PSMA6: variants seen among roughly 807,000 people sequenced by gnomAD.
PSMA6 encodes proteasome 20S subunit alpha 6.
For synonymous variants in PSMA6, 88 were observed against 97.7 expected (o/e 0.90, Z 0.59); for missense variants, 170 against 294.8 (o/e 0.58, Z 3.10).
At chr14:35,310,349 T>C (rs970100591) in intron 3 of PSMA6, 29 of 350,470 alleles carry the variant, frequency 8.3e-5, no homozygotes, top group African/African-American at 6.4e-4. Flanking sequence ...AGAGACAGGA[T>C]TTAGCCATGT....
chr14:35,299,433 C>T (rs2051667297), intron 1 of PSMA6, among the ~76,000 whole-genome samples: 1 of 147,840 alleles, frequency 6.8e-6, no homozygotes, highest in Non-Finnish European at 1.5e-5. Context: ...AGCGATTCTC[C>T]TGCCTCAGCA....
chr14:35,308,929 T>G lies in PSMA6; in HGVS notation c.187T>G (p.Ser63Ala). ...TGTTTATTAGGACAAATTATTGGAT[T>G]CCAGCACAGTGACTCACTTATTCAA... ...QKKVPDKLLD[S>A]STVTHLFKIT... is the part of the protein sequence containing the mutation. The change falls in exon 3 of 7, where the codon TCC becomes GCC. Residue 63 changes from serine to alanine, a missense_variant. By Grantham distance (99) the Ser-to-Ala change is moderately conservative. Coordinates refer to ENST00000261479, the MANE Select transcript of PSMA6 (RefSeq NM_002791.3). 1 of 1,606,890 alleles carries G rather than the reference T, an allele frequency of 6.2e-7. No homozygotes were observed.
chr14:35,317,206 A>AT (rs34710103), intron 6 of PSMA6, 43 bp from the exon 7 acceptor site: 2 of 1,553,800 alleles, frequency 1.3e-6, no homozygotes, highest in Non-Finnish European at 1.8e-6. Flanking sequence ...GTTTGAAAAA[A>AT]TTTTTTTTAA....
At chr14:35,301,506 CA>C (rs79173803) in intron 1 of PSMA6, among the ~76,000 whole-genome samples, 55,292 of 142,382 alleles carry the variant, frequency 0.39, 10,615 homozygotes, top group East Asian at 0.68. Context: ...GACTCCATCT[CA>C]AAAAAAAAAA....
chr14:35,280,714 A>AT (rs2051357614), intron 1 of PSMA6, among the ~76,000 whole-genome samples: 1 of 150,698 alleles, frequency 6.6e-6, no homozygotes, highest in Non-Finnish European at 1.5e-5. Context: ...TGGTCTCATG[A>AT]TTTGTTGTTG....
At chr14:35,313,246 T>A (rs2138756567) in intron 5 of PSMA6, 187 bp downstream of exon 5, 1 of 529,702 alleles carries the variant, frequency 1.9e-6, no homozygotes, top group South Asian at 3.2e-5. Context: ...TAATTCCTTA[T>A]TTCGTAATGT....
At chr14:35,308,520 C>T (rs2051876141) in intron 2 of PSMA6, 1 of 193,222 alleles carries the variant, frequency 5.2e-6, no homozygotes, top group Admixed American at 5.5e-5. Context: ...TGCTTTGACC[C>T]TGCTTTCCTG....
intron 4 of PSMA6, among the ~76,000 whole-genome samples, chr14:35,312,282 G>A (rs1295314944): frequency 6.6e-6 from 1 of 151,782 alleles, no homozygotes; most frequent in Non-Finnish European, 1.5e-5. Flanking sequence ...CGAGGCAGGT[G>A]GATCACAAGG....
chr14:35,305,937 A>T (rs1288855425), intron 1 of PSMA6, among the ~76,000 whole-genome samples: 3 of 152,072 alleles, frequency 2.0e-5, no homozygotes, highest in African/African-American at 7.2e-5. Flanking sequence ...TAAAAATAAA[A>T]TAAACAGGCC....
At chr14:35,292,895 A>C (rs1240899769) in intron 1 of PSMA6, 1 of 501,288 alleles carries the variant, frequency 2.0e-6, no homozygotes, top group Non-Finnish European at 3.9e-6. Flanking sequence ...TCTAAAGGGT[A>C]ATTGATTCCT....
chr14:35,299,367 G>T (rs1309312754), intron 1 of PSMA6, among the ~76,000 whole-genome samples: 2 of 104,208 alleles, frequency 1.9e-5, no homozygotes, highest in African/African-American at 3.7e-5. Context: ...CTGTCACCCA[G>T]ACTGGAGTGT....
chr14:35,290,433 A>C (rs1308621523), upstream of PSMA6, among the ~76,000 whole-genome samples: 1 of 152,232 alleles, frequency 6.6e-6, no homozygotes, highest in Non-Finnish European at 1.5e-5. Context: ...GGAACTAGCC[A>C]GTGCTGGAAA....
chr14:35,307,605 G>A (rs898541912), intron 1 of PSMA6, among the ~76,000 whole-genome samples: 18 of 152,036 alleles, frequency 1.2e-4, no homozygotes, highest in Non-Finnish European at 2.2e-4. Flanking sequence ...GTGGTGGCAC[G>A]CGCCTATAAT....
At chr14:35,308,753 A>C (rs899935050) in intron 2 of PSMA6, 161 bp from the exon 3 acceptor site, 1 of 551,232 alleles carries the variant, frequency 1.8e-6, no homozygotes, top group African/African-American at 2.0e-5. Flanking sequence ...GATTTTAACT[A>C]TAAAATGATC....
chr14:35,303,786 G>C (rs980202113), intron 1 of PSMA6, among the ~76,000 whole-genome samples: 2 of 152,072 alleles, frequency 1.3e-5, no homozygotes, highest in Non-Finnish European at 2.9e-5. Flanking sequence ...GGAAAAAATT[G>C]CTCCTGTACT....
chr14:35,280,829 C>T (rs961861362), intron 1 of PSMA6, among the ~76,000 whole-genome samples: 7 of 148,580 alleles, frequency 4.7e-5, no homozygotes, highest in South Asian at 2.2e-4. Context: ...TGGGCTCAAG[C>T]GATCCTCCTG....
intron 4 of PSMA6, among the ~76,000 whole-genome samples, chr14:35,312,242 C>T (rs1386221670): frequency 2.7e-5 from 4 of 149,672 alleles, no homozygotes; most frequent in Non-Finnish European, 5.9e-5. Context: ...TGCAGTGGCT[C>T]ACGCCTGTAA....
At chr14:35,310,596 T>C (rs1045688269) in intron 3 of PSMA6, 144 bp from the exon 4 acceptor site, 14 of 741,414 alleles carry the variant, frequency 1.9e-5, no homozygotes, top group Admixed American at 5.6e-5. Flanking sequence ...TTAGTATTCA[T>C]TGGGGGAGAA....
intron 4 of PSMA6, 134 bp downstream of exon 4, chr14:35,311,029 A>G (rs1156957137): frequency 9.4e-6 from 8 of 847,198 alleles, no homozygotes; most frequent in Admixed American, 3.0e-5. Flanking sequence ...GAAAATCTTT[A>G]TAATAAATCA....
Sources: gnomAD v4.1 joint callset for allele counts (sites outside exome capture counted in the v4.1 genomes callset) on GRCh38, gnomAD v4.1.1 for gene constraint, MANE v1.5 for transcripts, NCBI Gene and HGNC (gene_info 2026-07-23, HGNC 2026-07-21) for gene names.